Variants in ANO4 observed in about 807,000 individuals in gnomAD.
ANO4 encodes the protein anoctamin-4.
A neutral mutation model predicts 141.9 loss-of-function variants in ANO4; 69 were observed. That is an observed-to-expected ratio of 0.49 (90% CI 0.40 to 0.59). The LOEUF is 0.59. Among genes scored for constraint, ANO4 ranks in the 20% least tolerant of loss-of-function variants. The pLI is 0.00. For missense variants in ANO4, 894 were observed against 1,162.2 expected (o/e 0.77, Z 3.36); for synonymous variants, 350 against 394.3 (o/e 0.89, Z 1.33).
intron 1 of ANO4, among the ~76,000 whole-genome samples, chr12:100,855,959 A>G (rs1326069095): frequency 6.6e-6 from 1 of 152,192 alleles, no homozygotes; most frequent in Non-Finnish European, 1.5e-5. Context: ...TAATCAAAGA[A>G]GGAATTTTAT....
At chr12:100,831,615 A>G (rs913073420) in intron 1 of ANO4, among the ~76,000 whole-genome samples, 1 of 152,130 alleles carries the variant, frequency 6.6e-6, no homozygotes, top group African/African-American at 2.4e-5. Context: ...AAAAGAGTGT[A>G]TGAAACTTTG....
rs199936621 is a variant in ANO4, at chr12:100,942,462, C to A, written c.383C>A (p.Ser128Tyr). The part of the protein sequence containing the change: ...RIDYILVYRK[S>Y]NPQTEKREVF... ...GACTACATCCTTGTGTACAGAAAAT[C>A]CAACCCCCAGACTGAAAAGAGAGAA... The change falls in exon 5 of 28, where the codon TCC becomes TAC. Residue 128 changes from serine (S) to tyrosine (Y), a missense_variant. By Grantham distance (144) the Ser-to-Tyr change is moderately radical (BLOSUM62 -2). Around this residue, in one of 2 missense-constraint regions of ANO4, gnomAD observed 257 missense variants for 253.0 expected, o/e 1.02. Coordinates refer to ENST00000392977, the MANE Select transcript of ANO4 (RefSeq NM_001286615.2). 4.5e-5 allele frequency: 73 copies of A among 1,613,850 alleles called. No homozygotes were observed. The highest frequency in any genetic ancestry group is 1.6e-4 in the Middle Eastern group (1 of 6,080).
intron 3 of ANO4, among the ~76,000 whole-genome samples, chr12:100,748,912 A>G (rs2032236382): frequency 6.6e-6 from 1 of 152,084 alleles, no homozygotes; most frequent in Non-Finnish European, 1.5e-5. Context: ...TATGGAATAA[A>G]TTTTCCGGTT....
intron 1 of ANO4, among the ~76,000 whole-genome samples, chr12:100,862,798 C>T (rs993850930): frequency 1.3e-5 from 2 of 152,120 alleles, no homozygotes; most frequent in South Asian, 2.1e-4. Flanking sequence ...TTTTCCACTT[C>T]GGTATAATGT....
chr12:101,020,425 A>G (rs531311792), intron 9 of ANO4, among the ~76,000 whole-genome samples: 1 of 152,368 alleles, frequency 6.6e-6, no homozygotes, highest in Admixed American at 6.5e-5. Flanking sequence ...AGATATGCAT[A>G]GTTCTGATCT....
Position 101,054,088 on chromosome 12 carries a change from G to A in ANO4, c.1312+5687G>A, listed in dbSNP as rs148360463. On this transcript the variant is annotated intron_variant, in intron 14 of 27. Transcript: ENST00000392977. ...CCAATTTCCAGAATAAAAACCACACGTGTAAAATGTTTTCCTAGCTTTAGT... is the reference window on the plus strand; with the variant it reads ...CCAATTTCCAGAATAAAAACCACACATGTAAAATGTTTTCCTAGCTTTAGT... Among the ~76,000 whole-genome samples the A allele has an allele frequency of 7.9e-5, 12 of 152,258 alleles. No individual in the cohort carries two copies. The East Asian group carries it at 9.7e-4, about 12-fold the overall frequency.
intron 1 of ANO4, among the ~76,000 whole-genome samples, chr12:100,721,673 G>T (rs1479019133): frequency 6.6e-6 from 1 of 151,908 alleles, no homozygotes; most frequent in Non-Finnish European, 1.5e-5. Flanking sequence ...CAGTGACCTT[G>T]AGTAAATTTT....
chr12:100,801,171 C>A (rs532381611), intron 1 of ANO4, among the ~76,000 whole-genome samples: 3 of 151,478 alleles, frequency 2.0e-5, no homozygotes, highest in Non-Finnish European at 2.9e-5. Context: ...ATGTTCTGTA[C>A]CTCAAATCTT....
At chr12:101,024,111 T>G (rs934532941) in intron 9 of ANO4, among the ~76,000 whole-genome samples, 6 of 152,244 alleles carry the variant, frequency 3.9e-5, no homozygotes, top group African/African-American at 1.4e-4. Flanking sequence ...AAACCCACTT[T>G]CAAAATAGAG....
At chr12:100,956,275 ATG>A (rs1233023244) in intron 5 of ANO4, among the ~76,000 whole-genome samples, 1 of 152,244 alleles carries the variant, frequency 6.6e-6, no homozygotes, top group African/African-American at 2.4e-5. Context: ...AGCCAAGATC[ATG>A]ATGGTCTTCG....
chr12:101,083,613 A>G, intron 15 of ANO4, 65 bp from the exon 16 acceptor site: 3 of 1,536,028 alleles, frequency 2.0e-6, no homozygotes, highest in East Asian at 4.8e-5. Context: ...GGGTAAAATG[A>G]TATTTCTTTT....
rs146075318 is a variant in ANO4 at position 101,016,668 on chromosome 12, G to A, written c.735-3366G>A. The stretch of plus-strand genomic sequence containing the variant: ...TGCTGGAAATACAGAGATGAGCATG[G>A]CCGGTTTCTGCCCTCAAGAAGCTCA... On this transcript the variant is annotated intron_variant, in intron 8 of 27. Coordinates refer to ENST00000392977, the MANE Select transcript of ANO4 (RefSeq NM_001286615.2). Among the ~76,000 whole-genome samples the A allele has an allele frequency of 2.1e-3, 319 of 152,288 alleles. 2 individuals are homozygous for A. Among genetic ancestry groups the A allele is most frequent in the African/African-American group, 7.2e-3 (300 of 41,564 alleles).
intron 1 of ANO4, among the ~76,000 whole-genome samples, chr12:100,884,453 A>G (rs1282659279): frequency 6.6e-6 from 1 of 152,180 alleles, no homozygotes; most frequent in East Asian, 1.9e-4. Context: ...GACCTGGGTT[A>G]AGCTGATGGA....
chr12:100,944,180 T>G (rs2042620220), intron 5 of ANO4, among the ~76,000 whole-genome samples: 1 of 152,172 alleles, frequency 6.6e-6, no homozygotes, highest in Non-Finnish European at 1.5e-5. Flanking sequence ...TAGCGCACAT[T>G]AAAGTGATGG....
chr12:100,944,268 G>T (rs1056312116), intron 5 of ANO4, among the ~76,000 whole-genome samples: 1 of 152,120 alleles, frequency 6.6e-6, no homozygotes, highest in Non-Finnish European at 1.5e-5. Flanking sequence ...GGATCATGCT[G>T]CCTGTTGTAC....
At chr12:100,919,071 A>G (rs1331695255) in intron 2 of ANO4, among the ~76,000 whole-genome samples, 1 of 152,196 alleles carries the variant, frequency 6.6e-6, no homozygotes, top group East Asian at 1.9e-4. Context: ...TATGGATATA[A>G]AGAAAGAAAA....
At chr12:101,116,962 G>A (rs941966264) in intron 25 of ANO4, among the ~76,000 whole-genome samples, 164 bp downstream of exon 25, 4 of 152,136 alleles carry the variant, frequency 2.6e-5, no homozygotes, top group African/African-American at 7.2e-5. Context: ...TCTCTTGCCC[G>A]GGATACAACC....
intron 8 of ANO4, among the ~76,000 whole-genome samples, chr12:100,997,144 G>A (rs1025276918): frequency 1.3e-5 from 2 of 151,940 alleles, no homozygotes; most frequent in Non-Finnish European, 2.9e-5. Context: ...GACCAGCCTG[G>A]CCAACATGGT....
At chr12:101,056,090 T>A (rs2048106318) in intron 14 of ANO4, among the ~76,000 whole-genome samples, 1 of 152,178 alleles carries the variant, frequency 6.6e-6, no homozygotes, top group Non-Finnish European at 1.5e-5. Context: ...CATATTTTTC[T>A]TTTCAAAAAT....
Sources: gnomAD v4.1 joint callset for allele counts (sites outside exome capture counted in the v4.1 genomes callset) on GRCh38, gnomAD v4.1.1 for gene constraint, gnomAD v4.1.1 regional missense constraint, MANE v1.5 for transcripts, NCBI Gene and HGNC (gene_info 2026-07-23, HGNC 2026-07-21) for gene names.